Variants in RGS7 observed in about 807,000 individuals in gnomAD.
RGS7 encodes regulator of G protein signaling 7.
In RGS7, 27 loss-of-function variants were observed where a neutral mutation model predicts 81.1. The observed-to-expected ratio is 0.33, with a 90% CI of 0.25 to 0.46. The LOEUF is 0.46. Ranked by LOEUF, RGS7 falls within the 20% of genes least tolerant of loss-of-function variation. The pLI is 1.00. For synonymous variants in RGS7, 208 were observed against 207.7 expected (o/e 1.00, Z -0.01); for missense variants, 396 against 607.4 (o/e 0.65, Z 3.66).
Position 241,259,667 on chromosome 1 carries a change from A to AAATAT in RGS7, c.78+96031_78+96032insATATT. On this transcript the variant is annotated intron_variant, in intron 2 of 18. Transcript: ENST00000440928. ...CTCCGTCTCAAAAAAAAAAAAAAAA[A>AAATAT]ATATATATATATATATATAATTAAA... Among the ~76,000 whole-genome samples, 489 of 49,100 alleles carry AAATAT rather than the reference A, an allele frequency of 1.0e-2. 20 individuals are homozygous for AAATAT. Among genetic ancestry groups the AAATAT allele is most frequent in the South Asian group, 0.02 (19 of 948 alleles). The allele number at this position is 49,100 out of a possible 152,430, so 32.2% of individuals were successfully genotyped here.
chr1:241,221,564 A>G (rs374340958), intron 2 of RGS7, among the ~76,000 whole-genome samples: 1 of 152,242 alleles, frequency 6.6e-6, no homozygotes, highest in South Asian at 2.1e-4. Flanking sequence ...TGGCTGGGCG[A>G]CAACGCCCAG....
At chr1:240,920,209 C>G (rs1224018329) in intron 6 of RGS7, 1 of 1,131,940 alleles carries the variant, frequency 8.8e-7, no homozygotes, top group South Asian at 1.2e-5. Context: ...CAAGAGATAG[C>G]TAGTGCTTCA....
chr1:241,234,053 T>G (rs950126881), intron 2 of RGS7, among the ~76,000 whole-genome samples: 2 of 152,228 alleles, frequency 1.3e-5, no homozygotes, highest in Non-Finnish European at 2.9e-5. Flanking sequence ...AAATTTAATT[T>G]CAACCTCAAG....
intron 6 of RGS7, chr1:240,920,422 G>T: frequency 2.3e-6 from 3 of 1,320,538 alleles, no homozygotes; most frequent in South Asian, 2.3e-5. Context: ...GGAGGTGGTG[G>T]AAGCTACAAT....
intron 3 of RGS7, among the ~76,000 whole-genome samples, chr1:241,005,581 G>A (rs1307899335): frequency 6.6e-6 from 1 of 152,080 alleles, no homozygotes; most frequent in East Asian, 1.9e-4. Flanking sequence ...TGTCGCCCAG[G>A]CTGGATTGCA....
intron 9 of RGS7, among the ~76,000 whole-genome samples, chr1:240,855,041 T>A (rs1660817493): frequency 6.6e-6 from 1 of 152,118 alleles, no homozygotes; most frequent in Non-Finnish European, 1.5e-5. Context: ...ATGTGACATC[T>A]CTTTATAGAA....
At chr1:240,884,621 A>C (rs1030042806) in intron 6 of RGS7, among the ~76,000 whole-genome samples, 3 of 152,236 alleles carry the variant, frequency 2.0e-5, no homozygotes, top group Admixed American at 2.0e-4. Flanking sequence ...CAACCATTTG[A>C]TCTTCCACAA....
chr1:241,079,830 T>TTTTATTTATTTA (rs10700153), intron 3 of RGS7, among the ~76,000 whole-genome samples: 14 of 151,120 alleles, frequency 9.3e-5, no homozygotes, highest in Middle Eastern at 3.4e-3. Flanking sequence ...CCCCATAGGC[T>TTTTATTTATTTA]TTTATTTATT....
At chr1:240,984,767 A>T (rs1685416567) in intron 3 of RGS7, among the ~76,000 whole-genome samples, 1 of 152,188 alleles carries the variant, frequency 6.6e-6, no homozygotes, top group South Asian at 2.1e-4. Context: ...AATTAATTAC[A>T]TTAACATTGG....
chr1:241,161,348 G>C (rs1484898607), intron 2 of RGS7, among the ~76,000 whole-genome samples: 1 of 151,956 alleles, frequency 6.6e-6, no homozygotes, highest in Non-Finnish European at 1.5e-5. Context: ...CCTAACTGGT[G>C]TTTTTAAGAG....
At chr1:241,053,719 C>T (rs1469786833) in intron 3 of RGS7, among the ~76,000 whole-genome samples, 2 of 152,124 alleles carry the variant, frequency 1.3e-5, no homozygotes, top group Non-Finnish European at 2.9e-5. Flanking sequence ...CCCGTAATTC[C>T]CACATGTTGT....
At chr1:240,940,092 T>C (rs1037713821) in intron 4 of RGS7, among the ~76,000 whole-genome samples, 2 of 151,884 alleles carry the variant, frequency 1.3e-5, no homozygotes, top group Non-Finnish European at 1.5e-5. Context: ...AAAATTAAAT[T>C]AAATTAAATT....
intron 14 of RGS7, among the ~76,000 whole-genome samples, chr1:240,809,981 T>C (rs1689564193): frequency 6.6e-6 from 1 of 152,174 alleles, no homozygotes; most frequent in Admixed American, 6.5e-5. Context: ...TGATTAAAGC[T>C]TGAACTAAGA....
chr1:240,971,210 T>C (rs1282692348), intron 4 of RGS7, among the ~76,000 whole-genome samples: 1 of 152,148 alleles, frequency 6.6e-6, no homozygotes, highest in Non-Finnish European at 1.5e-5. Flanking sequence ...CAGCCATCCA[T>C]GAACCAGAAC....
intron 4 of RGS7, among the ~76,000 whole-genome samples, chr1:240,982,750 T>C (rs1161223228): frequency 1.3e-5 from 2 of 152,170 alleles, no homozygotes; most frequent in Non-Finnish European, 2.9e-5. Context: ...AGAAGGAAAG[T>C]TCATTAATTC....
At chr1:241,346,144 A>G (rs1005852636) in intron 2 of RGS7, among the ~76,000 whole-genome samples, 3 of 23,498 alleles carry the variant, frequency 1.3e-4, no homozygotes, top group African/African-American at 2.0e-4. Context: ...TAAAAATAAA[A>G]TTTGATAAAA....
chr1:241,245,021 T>C (rs2076452035), intron 2 of RGS7, among the ~76,000 whole-genome samples: 1 of 151,530 alleles, frequency 6.6e-6, no homozygotes, highest in African/African-American at 2.4e-5. Context: ...GACGAGTTAA[T>C]GGGTGCAGCA....
At chr1:241,077,839 C>CTT (rs1305299382) in intron 3 of RGS7, among the ~76,000 whole-genome samples, 2 of 152,154 alleles carry the variant, frequency 1.3e-5, no homozygotes, top group African/African-American at 4.8e-5. Context: ...CGTGTCACCC[C>CTT]TACCCTGAGA....
rs71568983 is a variant in RGS7, at chr1:241,068,224, TTG to T, written c.175+30440_175+30441del. On this transcript the variant is annotated intron_variant, in intron 3 of 18. Coordinates refer to ENST00000440928, the MANE Select transcript of RGS7 (RefSeq NM_001364886.1). ...TTTGCTTTTGGGTTCTATCCATAAA[TTG>T]TGTGTGTGTGTGTATATATATATAT... Among the ~76,000 whole-genome samples the T allele has an allele frequency of 4.5e-4, 25 of 55,834 alleles. 4 individuals are homozygous for T. The South Asian group carries it at 0.016, about 36-fold the overall frequency. 36.6% of individuals were successfully genotyped at this position (55,834 alleles called of 152,430 possible).
Sources: gnomAD v4.1 joint callset for allele counts (sites outside exome capture counted in the v4.1 genomes callset) on GRCh38, gnomAD v4.1.1 for gene constraint, MANE v1.5 for transcripts, NCBI Gene and HGNC (gene_info 2026-07-23, HGNC 2026-07-21) for gene names.